The following PHGDH variants were observed in gnomAD, a reference collection of about 807,000 sequenced individuals.
PHGDH encodes phosphoglycerate dehydrogenase.
Under a neutral mutation model 52.6 loss-of-function variants are expected in PHGDH, and 50 were observed. The ratio of observed to expected loss-of-function variants is 0.95; its 90% CI spans 0.76 to 1.20. The LOEUF (loss-of-function observed/expected upper bound fraction) is 1.20, where lower values mean the gene tolerates loss of function less well. PHGDH is among the 50% of genes most tolerant of loss of function. PHGDH has a pLI of 0.00. For synonymous variants in PHGDH, 271 were observed against 280.5 expected (o/e 0.97, Z 0.34); for missense variants, 630 against 684.6 (o/e 0.92, Z 0.89).
At chr1:119,721,439 G>A in intron 2 of PHGDH, 118 bp downstream of exon 2, 1 of 1,000,890 alleles carries the variant, frequency 1.0e-6, no homozygotes, top group Non-Finnish European at 1.5e-6. Flanking sequence ...GGGCTTCCAG[G>A]AGGATGCCTG....
In PHGDH at chr1:119,737,253, C is replaced by T. The variant is rs143340742; in HGVS notation, c.932C>T (p.Ser311Phe). ...VQFVDMVKGK[S>F]LTGVVNAQAL... Reference sequence around the variant, plus strand: ...TTCGTGGACATGGTGAAGGGGAAATCTCTCACGGGGGTTGTAAGTATCACC... The same window carrying T: ...TTCGTGGACATGGTGAAGGGGAAATTTCTCACGGGGGTTGTAAGTATCACC... Residue 311 changes from serine (S) to phenylalanine (F), a missense_variant, in exon 8 of 12, where the codon TCT (serine) becomes TTT (phenylalanine). Physicochemically the swap from Ser to Phe is radical, Grantham distance 155. Coordinates refer to ENST00000641023, the MANE Select transcript of PHGDH (RefSeq NM_006623.4). 17 of 1,613,776 alleles carry T rather than the reference C, an allele frequency of 1.1e-5. No individual in the cohort carries two copies. The highest frequency in any genetic ancestry group is 8.9e-5 in the East Asian group (4 of 44,878).
At position 119,743,993 on chromosome 1, in the gene PHGDH, G is replaced by A. The variant is rs1488805102; in HGVS notation, c.1555G>A (p.Glu519Lys). ...MGISSLLPSL[E>K]AWKQHVTEAF... ...CATCTCCTCCTTGCTGCCCAGCCTG[G>A]AAGCGTGGAAGCAGCATGTGACTGA... Residue 519 changes from glutamate to lysine, a missense_variant, in exon 12 of 12, where the codon GAA becomes AAA. Physicochemically the swap from Glu to Lys is moderately conservative, Grantham distance 56. Coordinates refer to ENST00000641023, the MANE Select transcript of PHGDH (RefSeq NM_006623.4). 6.2e-7 allele frequency: 1 copy of A among 1,614,042 alleles called. No individual in the cohort carries two copies. Among genetic ancestry groups the A allele is most frequent in the East Asian group, 2.2e-5 (1 of 44,898 alleles).
intron 5 of PHGDH, among the ~76,000 whole-genome samples, chr1:119,729,307 G>C (rs1651585687): frequency 6.6e-6 from 1 of 152,150 alleles, no homozygotes; most frequent in Admixed American, 6.5e-5. Flanking sequence ...AGGGATCAAG[G>C]GTCAAGGTTT....
At chr1:119,717,989 C>T (rs919880138) in intron 1 of PHGDH, among the ~76,000 whole-genome samples, 2 of 152,200 alleles carry the variant, frequency 1.3e-5, no homozygotes, top group African/African-American at 4.8e-5. Flanking sequence ...TAAAACACTT[C>T]ATTGTGAAGT....
chr1:119,733,722 G>A (rs1651806918), intron 5 of PHGDH, among the ~76,000 whole-genome samples: 1 of 152,086 alleles, frequency 6.6e-6, no homozygotes, highest in Non-Finnish European at 1.5e-5. Context: ...TGAAAGCACA[G>A]GAAAGCAAAA....
intron 1 of PHGDH, among the ~76,000 whole-genome samples, chr1:119,714,900 G>C (rs1164147071): frequency 6.6e-6 from 1 of 152,158 alleles, no homozygotes; most frequent in African/African-American, 2.4e-5. Flanking sequence ...CTGGGCAACA[G>C]AGCTAGACCC....
At chr1:119,737,751 C>T (rs1652010386) in intron 8 of PHGDH, among the ~76,000 whole-genome samples, 2 of 152,134 alleles carry the variant, frequency 1.3e-5, no homozygotes, top group African/African-American at 2.4e-5. Flanking sequence ...CCTTGCTTTC[C>T]CCAAATCAAG....
At chr1:119,715,597 C>T (rs1427252343) in intron 1 of PHGDH, among the ~76,000 whole-genome samples, 3 of 152,158 alleles carry the variant, frequency 2.0e-5, no homozygotes, top group Non-Finnish European at 4.4e-5. Context: ...AGCTTGTCCC[C>T]TTGGGAAAGG....
chr1:119,741,712 C>T (rs771318482), intron 9 of PHGDH, 55 bp from the exon 10 acceptor site: 2 of 1,559,182 alleles, frequency 1.3e-6, no homozygotes, highest in Admixed American at 1.7e-5. Context: ...CTTCCTGCCC[C>T]CTCCTGTAGT....
At chr1:119,728,031 A>G (rs1651523987) in intron 5 of PHGDH, among the ~76,000 whole-genome samples, 1 of 152,126 alleles carries the variant, frequency 6.6e-6, no homozygotes, top group South Asian at 2.1e-4. Flanking sequence ...TCTTATTAGC[A>G]TCTTAAATCT....
rs1650711668 is a variant in PHGDH, at chr1:119,711,934, C to T, written c.-89C>T. 1.5e-6 allele frequency: 2 copies of T among 1,337,092 alleles called. No homozygotes were observed. Among genetic ancestry groups the T allele is most frequent in the African/African-American group, 2.9e-5 (2 of 69,762 alleles). 82.8% of individuals were successfully genotyped at this position (1,337,092 alleles called of 1,614,324 possible). ...GGGAGCGGGAGCTGGAGAATACTGC[C>T]CAGTTACTCTAGCGCGCCAGGCCGA... On this transcript the variant is annotated 5_prime_UTR_variant, in exon 1 of 12. Coordinates refer to ENST00000641023, the MANE Select transcript of PHGDH (RefSeq NM_006623.4).
chr1:119,738,992 G>A (rs1377578661), intron 8 of PHGDH, among the ~76,000 whole-genome samples: 1 of 152,200 alleles, frequency 6.6e-6, no homozygotes, highest in African/African-American at 2.4e-5. Flanking sequence ...TCTTAGAGTA[G>A]CCATTTGGAA....
chr1:119,727,665 TAAA>T (rs587769490), intron 5 of PHGDH: 8 of 115,042 alleles, frequency 7.0e-5, no homozygotes, highest in Non-Finnish European at 1.3e-4. Context: ...GCATCGCTAC[TAAA>T]AAAAAAAAAA....
chr1:119,735,909 T>C (rs1399588373), intron 7 of PHGDH, among the ~76,000 whole-genome samples: 1 of 152,204 alleles, frequency 6.6e-6, no homozygotes, highest in East Asian at 1.9e-4. Context: ...CCGAGGATAC[T>C]GGCAGTATTC....
intron 3 of PHGDH, 149 bp downstream of exon 3, chr1:119,723,590 CT>C: frequency 1.4e-6 from 1 of 709,022 alleles, no homozygotes; most frequent in Non-Finnish European, 2.6e-6. Context: ...TGCAAAGAAC[CT>C]TTAAGGCCAT....
chr1:119,726,591 G>A, intron 3 of PHGDH: 1 of 572,208 alleles, frequency 1.7e-6, no homozygotes, highest in East Asian at 3.0e-5. Context: ...TGCCTCAGTG[G>A]CTGAGGTGGA....
At chr1:119,723,060 A>G (rs1651243412) in intron 2 of PHGDH, among the ~76,000 whole-genome samples, 3 of 152,322 alleles carry the variant, frequency 2.0e-5, no homozygotes, top group Non-Finnish European at 4.4e-5. Context: ...TAGGAGAAAG[A>G]AAAGGGCTGA....
chr1:119,734,869 G>C (rs1651860847), intron 6 of PHGDH, 103 bp downstream of exon 6: 3 of 1,309,290 alleles, frequency 2.3e-6, no homozygotes, highest in Non-Finnish European at 3.3e-6. Flanking sequence ...ACCAGCTGTG[G>C]GGAGAGGTCC....
chr1:119,740,321 A>C, intron 8 of PHGDH, 65 bp from the exon 9 acceptor site: 2 of 1,592,224 alleles, frequency 1.3e-6, no homozygotes, highest in Non-Finnish European at 1.7e-6. Context: ...CTTGGCAGCC[A>C]GATCTTGATT....
Sources: gnomAD v4.1 joint callset for allele counts (sites outside exome capture counted in the v4.1 genomes callset) on GRCh38, gnomAD v4.1.1 for gene constraint, MANE v1.5 for transcripts, NCBI Gene and HGNC (gene_info 2026-07-23, HGNC 2026-07-21) for gene names.